The following DLG1 variants were observed in gnomAD, a reference collection of about 807,000 sequenced individuals.
DLG1 encodes the protein discs large MAGUK scaffold protein 1.
In DLG1, 42 loss-of-function variants were observed where a neutral mutation model predicts 123.4. That is an observed-to-expected ratio of 0.34 (90% CI 0.27 to 0.44). The LOEUF (loss-of-function observed/expected upper bound fraction) is 0.44, where lower values mean the gene tolerates loss of function less well. DLG1 is among the 20% of genes least tolerant of loss of function. The pLI is 1.00. For missense variants in DLG1, 942 were observed against 1,082.6 expected (o/e 0.87, Z 1.82); for synonymous variants, 317 against 356.2 (o/e 0.89, Z 1.24).
At chr3:197,254,058 G>A (rs1217048810) in intron 4 of DLG1, among the ~76,000 whole-genome samples, 3 of 152,168 alleles carry the variant, frequency 2.0e-5, no homozygotes, top group Non-Finnish European at 4.4e-5. Context: ...GTGGGCAAAG[G>A]AATGGACCTG....
At chr3:197,105,634 T>C (rs1441478172) in intron 13 of DLG1, among the ~76,000 whole-genome samples, 1 of 152,152 alleles carries the variant, frequency 6.6e-6, no homozygotes, top group Non-Finnish European at 1.5e-5. Flanking sequence ...TACCAGTAGG[T>C]ACAATCCTAC....
intron 17 of DLG1, 46 bp from the exon 18 acceptor site, chr3:197,076,731 G>C: frequency 6.8e-7 from 1 of 1,475,266 alleles, no homozygotes; most frequent in East Asian, 2.3e-5. Context: ...TCTACTGTCT[G>C]TGTGTACAAA....
intron 10 of DLG1, among the ~76,000 whole-genome samples, chr3:197,131,626 C>A (rs1175924454): frequency 8.4e-6 from 1 of 118,762 alleles, no homozygotes; most frequent in Non-Finnish European, 1.6e-5. Context: ...CGGAGTCTCG[C>A]TCTGTCGCCC....
At chr3:197,141,393 A>C (rs531756085) in intron 7 of DLG1, among the ~76,000 whole-genome samples, 5 of 152,344 alleles carry the variant, frequency 3.3e-5, no homozygotes, top group Admixed American at 2.0e-4. Context: ...AAAAGTTAGG[A>C]GACATCACAA....
At chr3:197,052,484 CAAAAATAA>C (rs1728591590) in intron 23 of DLG1, among the ~76,000 whole-genome samples, 2 of 151,928 alleles carry the variant, frequency 1.3e-5, no homozygotes, top group Admixed American at 6.6e-5. Flanking sequence ...AATAAATAAA[CAAAAATAA>C]AAAAATAAAA....
At chr3:197,247,983 T>C (rs1326638876) in intron 4 of DLG1, among the ~76,000 whole-genome samples, 2 of 152,134 alleles carry the variant, frequency 1.3e-5, no homozygotes, top group Non-Finnish European at 2.9e-5. Context: ...GCAGGTTCAG[T>C]ATAAGCCTTT....
chr3:197,259,953 G>T (rs2150950743), intron 4 of DLG1, among the ~76,000 whole-genome samples: 1 of 152,324 alleles, frequency 6.6e-6, no homozygotes, highest in Middle Eastern at 3.4e-3. Flanking sequence ...AAGGGGAGAA[G>T]AGTAGCTCTG....
chr3:197,125,250 G>C (rs1778434785), intron 11 of DLG1, among the ~76,000 whole-genome samples: 1 of 152,072 alleles, frequency 6.6e-6, no homozygotes. Context: ...GTGAATTAGG[G>C]AAATGTAGTA....
At chr3:197,189,179 T>A (rs2150206958) in intron 5 of DLG1, among the ~76,000 whole-genome samples, 1 of 152,342 alleles carries the variant, frequency 6.6e-6, no homozygotes, top group East Asian at 1.9e-4. Context: ...AGAAACTAAA[T>A]ACTTTTCATG....
At position 197,129,572 on chromosome 3, in the gene DLG1, T is replaced by A. The variant is rs550983594; in HGVS notation, c.1165+955A>T. ...AGTACTTTTAATTTTCTTCAAGAAC[T>A]TTTCCTTGGCATTCACAACTTGGCT... On this transcript the variant is annotated intron_variant, in intron 11 of 24. Coordinates refer to ENST00000667157, the MANE Select transcript of DLG1 (RefSeq NM_001366207.1). Among the ~76,000 whole-genome samples the A allele has an allele frequency of 9.4e-4, 143 of 152,310 alleles. 1 individual carries two copies. The Middle Eastern group carries it at 0.01, about 11-fold the overall frequency.
At chr3:197,059,604 C>T (rs538031341) in intron 23 of DLG1, among the ~76,000 whole-genome samples, 11 of 64,036 alleles carry the variant, frequency 1.7e-4, no homozygotes, top group Non-Finnish European at 3.1e-4. Flanking sequence ...TTAATGGTTA[C>T]CTGAGAGCTG....
chr3:197,198,000 A>C (rs956380348), intron 4 of DLG1, among the ~76,000 whole-genome samples: 2 of 152,196 alleles, frequency 1.3e-5, no homozygotes, highest in Non-Finnish European at 2.9e-5. Flanking sequence ...ACCAAAACTT[A>C]AATATGAGTT....
chr3:197,115,680 T>C (rs906909374), intron 13 of DLG1, among the ~76,000 whole-genome samples: 4 of 152,160 alleles, frequency 2.6e-5, no homozygotes, highest in African/African-American at 9.7e-5. Context: ...TAGCAAACTT[T>C]CCAGTCAATA....
intron 4 of DLG1, among the ~76,000 whole-genome samples, chr3:197,240,679 A>G (rs959034636): frequency 3.3e-5 from 5 of 152,194 alleles, no homozygotes; most frequent in African/African-American, 1.2e-4. Context: ...AAAAGAGATT[A>G]AAGTAATTTT....
At chr3:197,080,099 C>T (rs1370569237) in intron 17 of DLG1, among the ~76,000 whole-genome samples, 1 of 151,534 alleles carries the variant, frequency 6.6e-6, no homozygotes, top group African/African-American at 2.4e-5. Context: ...TATTCCACTG[C>T]AGTGAGTTCA....
At chr3:197,147,320 T>C (rs963630745) in intron 6 of DLG1, among the ~76,000 whole-genome samples, 5 of 152,084 alleles carry the variant, frequency 3.3e-5, no homozygotes, top group Non-Finnish European at 7.4e-5. Context: ...AGTCATTATA[T>C]GAAAAAGATA....
chr3:197,192,777 A>G (rs1472368861), intron 5 of DLG1, among the ~76,000 whole-genome samples: 1 of 152,182 alleles, frequency 6.6e-6, no homozygotes, highest in Non-Finnish European at 1.5e-5. Flanking sequence ...GCAGGGACTC[A>G]AGATAATTGT....
intron 5 of DLG1, among the ~76,000 whole-genome samples, chr3:197,172,452 GTCT>G (rs759345000): frequency 9.2e-5 from 14 of 151,960 alleles, no homozygotes; most frequent in African/African-American, 2.2e-4. Flanking sequence ...TTTATTATCT[GTCT>G]TCTTCTACTT....
intron 6 of DLG1, among the ~76,000 whole-genome samples, chr3:197,149,364 G>T (rs534517903): frequency 6.6e-6 from 1 of 152,016 alleles, no homozygotes; most frequent in Non-Finnish European, 1.5e-5. Context: ...AATTATTTTC[G>T]TATATATGAA....
Sources: allele counts gnomAD v4.1 joint callset (sites outside exome capture counted in the v4.1 genomes callset), GRCh38; gene constraint gnomAD v4.1.1; transcripts MANE v1.5; gene names NCBI Gene and HGNC (gene_info 2026-07-23, HGNC 2026-07-21).